The following FMNL2 variants were observed in gnomAD, a reference collection of about 807,000 sequenced individuals.
FMNL2 encodes formin-like protein 2.
Under a neutral mutation model 130.2 loss-of-function variants are expected in FMNL2, and 51 were observed. The ratio of observed to expected loss-of-function variants is 0.39; its 90% CI spans 0.31 to 0.49. The LOEUF (loss-of-function observed/expected upper bound fraction) is 0.49, where lower values mean the gene tolerates loss of function less well. FMNL2 is among the 20% of genes least tolerant of loss of function. The pLI is 0.85. For synonymous variants in FMNL2, 465 were observed against 467.1 expected (o/e 1.00, Z 0.06); for missense variants, 977 against 1,316.2 (o/e 0.74, Z 3.99).
chr2:152,637,544 A>G (rs1414614603), intron 22 of FMNL2, 29 bp from the exon 23 acceptor site: 1 of 1,588,624 alleles, frequency 6.3e-7, no homozygotes, highest in South Asian at 1.1e-5. Flanking sequence ...CTAACTAATG[A>G]AACTCAAGAA....
At position 152,496,403 on chromosome 2, in the gene FMNL2, C is replaced by T. The variant is rs151016117; in HGVS notation, c.118-25540C>T. On this transcript the variant is annotated intron_variant, in intron 1 of 25. Coordinates refer to ENST00000288670, the MANE Select transcript of FMNL2 (RefSeq NM_052905.4). ...ACATGCCCATGGTATCTGCATGTCT[C>T]GTTACTTTGCTAACTTGATCACTTG... Among the ~76,000 whole-genome samples the T allele has an allele frequency of 5.3e-3, 802 of 152,268 alleles. 5 individuals carry two copies. The highest frequency in any genetic ancestry group is 0.018 in the African/African-American group (762 of 41,548).
At chr2:152,642,388 G>A (rs1188602185) in intron 25 of FMNL2, among the ~76,000 whole-genome samples, 1 of 152,180 alleles carries the variant, frequency 6.6e-6, no homozygotes, top group Non-Finnish European at 1.5e-5. Flanking sequence ...TAAAAAGGAA[G>A]TCAATAATGA....
intron 1 of FMNL2, among the ~76,000 whole-genome samples, chr2:152,366,185 A>C (rs997256081): frequency 3.3e-5 from 5 of 150,264 alleles, no homozygotes; most frequent in African/African-American, 1.2e-4. Context: ...GATGAATACA[A>C]TTTTGGATGT....
chr2:152,506,884 A>G (rs1692204823), intron 1 of FMNL2, among the ~76,000 whole-genome samples: 1 of 152,226 alleles, frequency 6.6e-6, no homozygotes, highest in East Asian at 1.9e-4. Context: ...TTACTTATCA[A>G]TATGTGTGTA....
At chr2:152,480,123 C>G (rs1690413327) in intron 1 of FMNL2, among the ~76,000 whole-genome samples, 1 of 152,142 alleles carries the variant, frequency 6.6e-6, no homozygotes, top group Non-Finnish European at 1.5e-5. Context: ...AGCCTGGACA[C>G]CAGAATGACG....
At chr2:152,517,396 C>A (rs1010804109) in intron 1 of FMNL2, among the ~76,000 whole-genome samples, 10 of 152,072 alleles carry the variant, frequency 6.6e-5, no homozygotes, top group African/African-American at 2.4e-4. Context: ...CTGTGCCATA[C>A]GTTGATGGTT....
intron 3 of FMNL2, among the ~76,000 whole-genome samples, chr2:152,545,668 C>T (rs1192685870): frequency 3.9e-5 from 6 of 152,196 alleles, no homozygotes; most frequent in Admixed American, 6.5e-5. Context: ...TCTGGGGGCT[C>T]ATCCCAGGCC....
chr2:152,640,693 G>A, intron 24 of FMNL2, 98 bp from the exon 25 acceptor site: 1 of 1,448,322 alleles, frequency 6.9e-7, no homozygotes, highest in South Asian at 1.4e-5. Flanking sequence ...TTTGGCCGAA[G>A]CTGCTTATTA....
At chr2:152,408,981 A>C (rs117626968) in intron 1 of FMNL2, among the ~76,000 whole-genome samples, 1 of 152,184 alleles carries the variant, frequency 6.6e-6, no homozygotes, top group Admixed American at 6.5e-5. Flanking sequence ...TCCTTAGCAG[A>C]TACTTTAAAA....
intron 1 of FMNL2, among the ~76,000 whole-genome samples, chr2:152,438,483 A>G (rs1348486897): frequency 6.6e-6 from 1 of 152,254 alleles, no homozygotes; most frequent in Non-Finnish European, 1.5e-5. Context: ...ATACAGGACC[A>G]GTGTTGTTAC....
rs2105168120 is a variant in FMNL2, at chr2:152,468,656, A to G, written c.118-53287A>G. The stretch of plus-strand genomic sequence containing the variant: ...TACCTTATTTAAGCCAGTATATCCA[A>G]AACATTATTGAAATCAGTTTCTTCT... On this transcript the variant is annotated intron_variant, in intron 1 of 25. Coordinates refer to ENST00000288670, the MANE Select transcript of FMNL2 (RefSeq NM_052905.4). Among the ~76,000 whole-genome samples, 3 of 152,318 alleles carry G rather than the reference A, an allele frequency of 2.0e-5. No individual in the cohort carries two copies. In the South Asian group the frequency reaches 6.2e-4, roughly 32 times the overall value.
At chr2:152,344,186 A>G (rs1681976225) in intron 1 of FMNL2, among the ~76,000 whole-genome samples, 1 of 152,150 alleles carries the variant, frequency 6.6e-6, no homozygotes, top group Non-Finnish European at 1.5e-5. Context: ...AAACCCACAA[A>G]TGCCTGGGTT....
rs1273355300 is a variant in FMNL2, at chr2:152,639,870, C to T, written c.2947-88C>T. 8.8e-6 allele frequency: 10 copies of T among 1,140,538 alleles called. No homozygotes were observed. The East Asian group carries it at 2.1e-4, about 24-fold the overall frequency. The allele number at this position is 1,140,538 out of a possible 1,614,324, so 70.7% of individuals were successfully genotyped here. On this transcript the variant is annotated intron_variant, in intron 23 of 25. Coordinates refer to ENST00000288670, the MANE Select transcript of FMNL2 (RefSeq NM_052905.4). ...TCCATTTATTGTAATTCTCAACTCACTAAGGATGCTTGAAGAATGACTTTA... is the reference window on the plus strand; with the variant it reads ...TCCATTTATTGTAATTCTCAACTCATTAAGGATGCTTGAAGAATGACTTTA...
intron 4 of FMNL2, among the ~76,000 whole-genome samples, chr2:152,549,637 A>C (rs113886951): frequency 0.024 from 3,725 of 152,308 alleles, 53 homozygotes; most frequent in Middle Eastern, 0.048. Context: ...CTGTGGGAAA[A>C]TAAAGTTCAG....
chr2:152,619,478 A>G, intron 14 of FMNL2, 31 bp from the exon 15 acceptor site: 5 of 1,549,680 alleles, frequency 3.2e-6, no homozygotes, highest in Non-Finnish European at 4.4e-6. Context: ...CCGTATTTTC[A>G]AAGTCCATCT....
chr2:152,594,092 T>C (rs1001985528), intron 9 of FMNL2, among the ~76,000 whole-genome samples: 8 of 152,090 alleles, frequency 5.3e-5, no homozygotes, highest in African/African-American at 9.7e-5. Flanking sequence ...GTCAAGAGGA[T>C]GAGAGGATTC....
intron 5 of FMNL2, among the ~76,000 whole-genome samples, chr2:152,559,662 G>A (rs1227649438): frequency 6.6e-6 from 1 of 152,198 alleles, no homozygotes; most frequent in Non-Finnish European, 1.5e-5. Flanking sequence ...GTGAGGATGA[G>A]CTGAGAGGAA....
At chr2:152,637,517 G>A (rs1682722565) in intron 22 of FMNL2, 56 bp from the exon 23 acceptor site, 2 of 1,374,852 alleles carry the variant, frequency 1.5e-6, no homozygotes, top group South Asian at 2.3e-5. Flanking sequence ...TCCCCCTAGA[G>A]CATCCAGTTC....
chr2:152,621,581 C>CT (rs2105903269), intron 15 of FMNL2, among the ~76,000 whole-genome samples: 1 of 152,244 alleles, frequency 6.6e-6, no homozygotes, highest in African/African-American at 2.4e-5. Flanking sequence ...TACAGGAACT[C>CT]TTTATTTCCA....
Sources: gnomAD v4.1 joint callset for allele counts (sites outside exome capture counted in the v4.1 genomes callset) on GRCh38, gnomAD v4.1.1 for gene constraint, MANE v1.5 for transcripts, NCBI Gene and HGNC (gene_info 2026-07-23, HGNC 2026-07-21) for gene names.